CCSER1: variants seen among roughly 807,000 people sequenced by gnomAD.
CCSER1 encodes the protein coiled-coil serine rich protein 1, also known as serine-rich coiled-coil domain-containing protein 1.
In CCSER1, 41 loss-of-function variants were observed where a neutral mutation model predicts 82.0. The observed-to-expected ratio is 0.50, with a 90% CI of 0.39 to 0.65. The LOEUF (loss-of-function observed/expected upper bound fraction) is 0.65, where lower values mean the gene tolerates loss of function less well. Ranked by LOEUF, CCSER1 falls within the 30% of genes least tolerant of loss-of-function variation. The pLI is 0.00. For missense variants in CCSER1, 1,119 were observed against 1,064.2 expected, an observed-to-expected ratio of 1.05 and a Z score of -0.72; for synonymous variants, 414 against 383.9, an observed-to-expected ratio of 1.08 and a Z score of -0.92.
At chr4:90,661,762 ACT>A (rs1315178489) in intron 6 of CCSER1, among the ~76,000 whole-genome samples, 4 of 152,124 alleles carry the variant, frequency 2.6e-5, no homozygotes, top group Non-Finnish European at 5.9e-5. Flanking sequence ...GATTTTATAC[ACT>A]GTTTTTGTTC....
At chr4:90,268,023 C>G (rs1725554128) in intron 1 of CCSER1, among the ~76,000 whole-genome samples, 1 of 152,098 alleles carries the variant, frequency 6.6e-6, no homozygotes, top group African/African-American at 2.4e-5. Context: ...GGAAAAAAAC[C>G]TTTTACCCTA....
intron 6 of CCSER1, among the ~76,000 whole-genome samples, chr4:90,686,343 G>A (rs1734815021): frequency 6.6e-6 from 1 of 151,986 alleles, no homozygotes; most frequent in Admixed American, 6.6e-5. Context: ...TTTAAAACAA[G>A]ATTGTCTCCT....
chr4:91,559,714 C>T (rs1478898166), intron 10 of CCSER1, among the ~76,000 whole-genome samples: 1 of 151,252 alleles, frequency 6.6e-6, no homozygotes, highest in Non-Finnish European at 1.5e-5. Context: ...TTTCCAATTA[C>T]AAAGAGGTAT....
At chr4:91,463,688 C>T (rs78223659) in intron 10 of CCSER1, among the ~76,000 whole-genome samples, 10 of 152,164 alleles carry the variant, frequency 6.6e-5, no homozygotes, top group Non-Finnish European at 1.0e-4. Context: ...AACCATGGCA[C>T]GAGAGCTACG....
intron 1 of CCSER1, among the ~76,000 whole-genome samples, chr4:90,271,844 ATATATATATATATATATATTTTTTT>A (rs1437278316): frequency 2.2e-4 from 5 of 22,418 alleles, no homozygotes; most frequent in African/African-American, 9.8e-4. Context: ...ATATATATAT[ATATATATATATATATATATTTTTTT>A]TTTTTTTTTT....
intron 10 of CCSER1, among the ~76,000 whole-genome samples, chr4:91,177,509 T>G (rs1243565766): frequency 1.3e-5 from 2 of 152,220 alleles, no homozygotes; most frequent in Non-Finnish European, 2.9e-5. Flanking sequence ...CTGTTATTGG[T>G]CTATTCAGGG....
At chr4:90,553,093 G>T (rs890211204) in intron 5 of CCSER1, among the ~76,000 whole-genome samples, 4 of 151,652 alleles carry the variant, frequency 2.6e-5, no homozygotes, top group African/African-American at 9.7e-5. Flanking sequence ...ACCTCAGGCT[G>T]CCAGTAGCTG....
rs546681582 is a variant in CCSER1 at position 91,065,673 on chromosome 4, G to A, written c.2173-20277G>A. 2.4e-3 allele frequency among the ~76,000 whole-genome samples: 358 copies of A among 152,098 alleles called. 1 individual carries two copies. The highest frequency in any genetic ancestry group is 7.2e-3 in the African/African-American group (300 of 41,556). The stretch of plus-strand genomic sequence containing the variant: ...AAAATTACCAAGACTTTATCTGGTT[G>A]TTCTGGTATGTTTAAACAAATTCCT... On this transcript the variant is annotated intron_variant, in intron 9 of 10. Transcript: ENST00000509176.
intron 7 of CCSER1, among the ~76,000 whole-genome samples, chr4:90,739,981 A>G (rs1412179815): frequency 1.3e-5 from 2 of 152,094 alleles, no homozygotes; most frequent in Non-Finnish European, 2.9e-5. Context: ...TTGTGTGGAC[A>G]GTTGTTCAAT....
chr4:90,559,691 T>C (rs1778509511), intron 5 of CCSER1, among the ~76,000 whole-genome samples: 1 of 151,252 alleles, frequency 6.6e-6, no homozygotes, highest in South Asian at 2.1e-4. Flanking sequence ...GCCATTGTAG[T>C]CCCAGCTACT....
intron 5 of CCSER1, among the ~76,000 whole-genome samples, chr4:90,604,364 CT>C (rs1784372427): frequency 6.6e-6 from 1 of 152,090 alleles, no homozygotes; most frequent in South Asian, 2.1e-4. Flanking sequence ...GATGTAAAGA[CT>C]TGAATTTGAA....
intron 7 of CCSER1, among the ~76,000 whole-genome samples, chr4:90,728,568 C>T (rs1198173577): frequency 6.6e-6 from 1 of 152,096 alleles, no homozygotes; most frequent in East Asian, 1.9e-4. Context: ...GGTGTAGTGG[C>T]TCACCCCTCT....
intron 10 of CCSER1, among the ~76,000 whole-genome samples, chr4:91,511,906 C>T (rs1047297647): frequency 6.6e-6 from 1 of 152,124 alleles, no homozygotes; most frequent in Non-Finnish European, 1.5e-5. Flanking sequence ...TCCCAAAACT[C>T]TCCTTCCCCA....
chr4:90,748,655 AGTGTAAAAGTGTTCC>A (rs1747983186), intron 7 of CCSER1, among the ~76,000 whole-genome samples: 1 of 146,320 alleles, frequency 6.8e-6, no homozygotes, highest in Admixed American at 6.9e-5. Flanking sequence ...TCCCACCAAC[AGTGTAAAAGTGTTCC>A]TATTTCTCCA....
chr4:91,290,093 A>G (rs1743630067), intron 10 of CCSER1, among the ~76,000 whole-genome samples: 1 of 151,974 alleles, frequency 6.6e-6, no homozygotes, highest in African/African-American at 2.4e-5. Flanking sequence ...TAAACTAACA[A>G]GCTAGCTACA....
intron 1 of CCSER1, among the ~76,000 whole-genome samples, chr4:90,223,988 T>C (rs1185886357): frequency 1.3e-5 from 2 of 152,232 alleles, no homozygotes; most frequent in South Asian, 2.1e-4. Flanking sequence ...TCAGTAAATA[T>C]GTGTCGAATA....
intron 7 of CCSER1, among the ~76,000 whole-genome samples, chr4:90,796,137 T>A (rs1221235668): frequency 6.6e-6 from 1 of 152,116 alleles, no homozygotes; most frequent in Non-Finnish European, 1.5e-5. Context: ...TTTATTGTTT[T>A]GAAGGCTATT....
Position 90,826,391 on chromosome 4 carries a change from G to A in CCSER1, c.2094+10546G>A, listed in dbSNP as rs527633839. On this transcript the variant is annotated intron_variant, in intron 8 of 10. Coordinates refer to ENST00000509176, the MANE Select transcript of CCSER1 (RefSeq NM_001145065.2). ...AAAAATTTGAAAGTCAGTCTGAGCC[G>A]GGGACTTTGACTGGAGCAAGTGTTA... Among the ~76,000 whole-genome samples, 38 of 152,224 alleles carry A rather than the reference G, an allele frequency of 2.5e-4. No homozygotes were observed. The South Asian group carries it at 5.2e-3, about 21-fold the overall frequency.
At chr4:91,315,100 C>G (rs995213465) in intron 10 of CCSER1, among the ~76,000 whole-genome samples, 1 of 151,304 alleles carries the variant, frequency 6.6e-6, no homozygotes, top group Non-Finnish European at 1.5e-5. Flanking sequence ...ATTTATTTAC[C>G]CACTTCAGCC....
Sources: allele counts gnomAD v4.1 joint callset (sites outside exome capture counted in the v4.1 genomes callset), GRCh38; gene constraint gnomAD v4.1.1; transcripts MANE v1.5; gene names NCBI Gene and HGNC (gene_info 2026-07-23, HGNC 2026-07-21).